Variants in AKAP13 observed in about 807,000 individuals in gnomAD.
AKAP13 encodes the protein A-kinase anchor protein 13.
In AKAP13, 80 loss-of-function variants were observed where a neutral mutation model predicts 264.5. The observed-to-expected ratio is 0.30, with a 90% CI of 0.25 to 0.36. The LOEUF (loss-of-function observed/expected upper bound fraction) is 0.36, where lower values mean the gene tolerates loss of function less well. Among genes scored for constraint, AKAP13 ranks in the 10% least tolerant of loss-of-function variants. AKAP13 has a pLI of 1.00. For missense variants in AKAP13, 3,712 were observed against 3,435.2 expected, an observed-to-expected ratio of 1.08 and a Z score of -2.01; for synonymous variants, 1,380 against 1,250.2, an observed-to-expected ratio of 1.10 and a Z score of -2.19.
intron 16 of AKAP13, among the ~76,000 whole-genome samples, chr15:85,692,476 G>C (rs2085340373): frequency 6.6e-6 from 1 of 150,570 alleles, no homozygotes; most frequent in Non-Finnish European, 1.5e-5. Context: ...TTACTGAGTA[G>C]TAGTAGTGGT....
At chr15:85,517,666 A>T (rs1440230891) in intron 2 of AKAP13, among the ~76,000 whole-genome samples, 1 of 152,176 alleles carries the variant, frequency 6.6e-6, no homozygotes, top group Non-Finnish European at 1.5e-5. Context: ...TAACTGTTTT[A>T]TAAAAACCTG....
Position 85,729,879 on chromosome 15 carries a change from G to A in AKAP13, c.7088-634G>A, listed in dbSNP as rs140982534. Among the ~76,000 whole-genome samples the A allele has an allele frequency of 5.9e-5, 9 of 152,246 alleles. 1 individual carries two copies. Among genetic ancestry groups the A allele is most frequent in the African/African-American group, 2.2e-4 (9 of 41,548 alleles). ...TAATCACTTGAACCCAGGAGGTGGAGGTTACGGTGAGCCAAGAGTGCACCA... is the reference window on the plus strand; with the variant it reads ...TAATCACTTGAACCCAGGAGGTGGAAGTTACGGTGAGCCAAGAGTGCACCA... On this transcript the variant is annotated intron_variant, in intron 29 of 36. Coordinates refer to ENST00000394518, the MANE Select transcript of AKAP13 (RefSeq NM_007200.5).
At chr15:85,433,179 T>C (rs897388527) in intron 1 of AKAP13, among the ~76,000 whole-genome samples, 1 of 151,192 alleles carries the variant, frequency 6.6e-6, no homozygotes, top group African/African-American at 2.4e-5. Flanking sequence ...ATTTTGTTCT[T>C]TGGAGCTATC....
chr15:85,547,655 A>G (rs1234999654), intron 5 of AKAP13, among the ~76,000 whole-genome samples: 1 of 152,190 alleles, frequency 6.6e-6, no homozygotes, highest in Non-Finnish European at 1.5e-5. Context: ...TTTAGCTTAT[A>G]TTTAGATCTT....
At position 85,442,123 on chromosome 15, in the gene AKAP13, ATTT is replaced by A. The variant is rs1567059098; in HGVS notation, c.-11-43584_-11-43582del. ...ATTGGACAGAACATTTGTTAAAAAT[ATTT>A]TTAGGCTGGGCGCGGTGGCTCATGC... On this transcript the variant is annotated intron_variant, in intron 1 of 36. Coordinates refer to ENST00000394518, the MANE Select transcript of AKAP13 (RefSeq NM_007200.5). Among the ~76,000 whole-genome samples the A allele has an allele frequency of 4.6e-5, 7 of 152,114 alleles. No individual in the cohort carries two copies. The East Asian group carries it at 1.4e-3, about 29-fold the overall frequency.
intron 1 of AKAP13, among the ~76,000 whole-genome samples, chr15:85,411,528 C>T (rs1292122937): frequency 1.3e-5 from 2 of 152,082 alleles, no homozygotes; most frequent in African/African-American, 4.8e-5. Flanking sequence ...AGCTCCGCTT[C>T]CCGGGTTCAC....
rs145014273 is a variant in AKAP13, at chr15:85,743,610, C to T, written c.8177C>T (p.Ser2726Leu). The stretch of plus-strand genomic sequence containing the variant: ...TCAGGGTCATTGGACTCAGAACTTT[C>T]AGTGTCCCCAAAAAGGAACAGCATC... ...AKSGSLDSEL[S>L]VSPKRNSISR... Residue 2726 changes from serine to leucine, a missense_variant, in exon 36 of 37, where the codon TCA becomes TTA. Ser to Leu is a moderately radical substitution (Grantham distance 145). Coordinates refer to ENST00000394518, the MANE Select transcript of AKAP13 (RefSeq NM_007200.5). 1 of 1,614,164 alleles carries T rather than the reference C, an allele frequency of 6.2e-7. No homozygotes were observed. Among genetic ancestry groups the T allele is most frequent in the Admixed American group, 1.7e-5 (1 of 60,018 alleles).
chr15:85,633,783 A>T (rs1012154116), intron 8 of AKAP13, among the ~76,000 whole-genome samples: 6 of 151,688 alleles, frequency 4.0e-5, no homozygotes, highest in Non-Finnish European at 8.8e-5. Flanking sequence ...TGACCTCGTG[A>T]TCTGCCCACC....
At chr15:85,645,989 C>T (rs368913855) in intron 10 of AKAP13, 35 bp downstream of exon 10, 51 of 1,600,350 alleles carry the variant, frequency 3.2e-5, no homozygotes, top group African/African-American at 5.4e-5. Flanking sequence ...TTTTGTCACA[C>T]GGCTTTTGTG....
intron 4 of AKAP13, among the ~76,000 whole-genome samples, chr15:85,539,371 C>T (rs1401099233): frequency 1.3e-5 from 2 of 149,748 alleles, no homozygotes; most frequent in East Asian, 3.9e-4. Context: ...GTTCTCCTTC[C>T]TTTCACATGC....
chr15:85,653,560 G>A (rs2151513915), intron 10 of AKAP13, among the ~76,000 whole-genome samples: 1 of 152,276 alleles, frequency 6.6e-6, no homozygotes, highest in Admixed American at 6.5e-5. Context: ...GTGTGCTTTT[G>A]AACTATTACA....
At chr15:85,619,296 C>G in intron 8 of AKAP13, 2 of 904,072 alleles carry the variant, frequency 2.2e-6, no homozygotes, top group Non-Finnish European at 2.6e-6. Flanking sequence ...AAAGGGCAAG[C>G]AGTGACGTTC....
rs571581633 is a variant in AKAP13 at position 85,634,340 on chromosome 15, A to G, written c.4162-5034A>G. 3.9e-5 allele frequency among the ~76,000 whole-genome samples: 6 copies of G among 152,332 alleles called. No homozygotes were observed. The South Asian group carries it at 8.3e-4, about 21-fold the overall frequency. ...AAGATTCTCACTAAAGTGATCAGAA[A>G]TATATTTTAGAGGTTATTGAATAAA... On this transcript the variant is annotated intron_variant, in intron 8 of 36. Transcript: ENST00000394518.
intron 8 of AKAP13, among the ~76,000 whole-genome samples, chr15:85,631,259 C>A (rs1487824534): frequency 6.6e-6 from 1 of 152,016 alleles, no homozygotes; most frequent in Non-Finnish European, 1.5e-5. Context: ...TCGTGGCTCT[C>A]TAGGCACTAG....
At position 85,692,734 on chromosome 15, in the gene AKAP13, C is replaced by G. The variant is rs549493458; in HGVS notation, c.5290-543C>G. 3.9e-5 allele frequency among the ~76,000 whole-genome samples: 6 copies of G among 152,286 alleles called. No individual in the cohort carries two copies. In the South Asian group the frequency reaches 1.0e-3, roughly 26 times the overall value. On this transcript the variant is annotated intron_variant, in intron 16 of 36. Coordinates refer to ENST00000394518, the MANE Select transcript of AKAP13 (RefSeq NM_007200.5). ...TGTGGGGCATATTTAATATTTCTAA[C>G]TAGAGTAAAGGAGGAGACTTTATAC... is the stretch of plus-strand genomic sequence containing the variant.
chr15:85,563,684 G>A (rs1018999263), intron 5 of AKAP13, among the ~76,000 whole-genome samples: 2 of 152,186 alleles, frequency 1.3e-5, no homozygotes, highest in Non-Finnish European at 2.9e-5. Flanking sequence ...CAGGCTTTGG[G>A]AGCAGCCCAA....
At chr15:85,559,371 G>A (rs760791061) in intron 5 of AKAP13, among the ~76,000 whole-genome samples, 5 of 152,028 alleles carry the variant, frequency 3.3e-5, no homozygotes, top group African/African-American at 4.8e-5. Context: ...TTGGCACCAG[G>A]GACTGGTTTT....
At chr15:85,633,350 T>C (rs1237684097) in intron 8 of AKAP13, among the ~76,000 whole-genome samples, 1 of 142,442 alleles carries the variant, frequency 7.0e-6, no homozygotes, top group Non-Finnish European at 1.5e-5. Context: ...CCTCTTCTTA[T>C]TACAGGAATA....
intron 7 of AKAP13, chr15:85,583,151 C>T: frequency 5.1e-6 from 5 of 985,362 alleles, no homozygotes; most frequent in East Asian, 1.1e-4. Flanking sequence ...ATGCTTGCCC[C>T]TAGGCTTTTG....
Sources: gnomAD v4.1 joint callset for allele counts (sites outside exome capture counted in the v4.1 genomes callset) on GRCh38, gnomAD v4.1.1 for gene constraint, MANE v1.5 for transcripts, NCBI Gene and HGNC (gene_info 2026-07-23, HGNC 2026-07-21) for gene names.